The following DKK2 variants were observed in gnomAD, a reference collection of about 807,000 sequenced individuals.
DKK2 encodes dickkopf Wnt signaling pathway inhibitor 2.
In DKK2, 11 loss-of-function variants were observed where a neutral mutation model predicts 28.1. The observed-to-expected ratio is 0.39, with a 90% confidence interval of 0.25 to 0.65. The LOEUF (loss-of-function observed/expected upper bound fraction) is 0.65. Among genes scored for constraint, DKK2 ranks in the 30% least tolerant of loss-of-function variants. The probability of loss-of-function intolerance (pLI) is 0.47; values close to 1 mark genes in which losing one functional copy is unlikely to be tolerated. For missense variants in DKK2, 326 were observed against 335.5 expected, an observed-to-expected ratio of 0.97 and a Z score of 0.22; for synonymous variants, 135 against 126.5, an observed-to-expected ratio of 1.07 and a Z score of -0.45.
intron 1 of DKK2, among the ~76,000 whole-genome samples, chr4:106,990,119 G>T (rs1026768239): frequency 1.3e-5 from 2 of 151,944 alleles, no homozygotes; most frequent in Non-Finnish European, 2.9e-5. Flanking sequence ...TAATAAAGTT[G>T]TTTAATAAAA....
chr4:107,026,567 G>C (rs1312234662), intron 1 of DKK2, among the ~76,000 whole-genome samples: 1 of 152,086 alleles, frequency 6.6e-6, no homozygotes, highest in Non-Finnish European at 1.5e-5. Flanking sequence ...TAGGATTAAA[G>C]AAACAAAAAG....
chr4:107,028,657 T>G (rs980774089), intron 1 of DKK2, among the ~76,000 whole-genome samples: 1 of 152,224 alleles, frequency 6.6e-6, no homozygotes, highest in African/African-American at 2.4e-5. Context: ...GAAATTGTAG[T>G]GCTGTGATGT....
At chr4:106,968,691 T>G (rs1490667693) in intron 1 of DKK2, among the ~76,000 whole-genome samples, 2 of 152,174 alleles carry the variant, frequency 1.3e-5, no homozygotes, top group Non-Finnish European at 2.9e-5. Context: ...CACTGCATAA[T>G]GAAGTAATTG....
chr4:106,983,012 GA>G (rs1723048950), intron 1 of DKK2, among the ~76,000 whole-genome samples: 1 of 146,456 alleles, frequency 6.8e-6, no homozygotes, highest in East Asian at 2.0e-4. Context: ...GAAAAAGAGA[GA>G]AAGGAAGGAA....
At chr4:106,957,346 G>A (rs537593749) in intron 1 of DKK2, among the ~76,000 whole-genome samples, 36 of 151,946 alleles carry the variant, frequency 2.4e-4, no homozygotes, top group South Asian at 2.3e-3. Context: ...TCAGTGTGGC[G>A]ATTCCTCAGG....
Position 106,935,262 on chromosome 4 carries a change from C to T in DKK2, c.223-9313G>A, listed in dbSNP as rs1014645640. Among the ~76,000 whole-genome samples, 10 of 152,236 alleles carry T rather than the reference C, an allele frequency of 6.6e-5. 1 individual carries two copies. The highest frequency in any genetic ancestry group is 4.1e-4 in the South Asian group (2 of 4,824). ...GGCACAGGTCAGTGGGTGCGCGCAC[C>T]GTGTGCGAGCCAAAGCAGGGCGAGG... On this transcript the variant is annotated intron_variant, in intron 1 of 3. Coordinates refer to ENST00000285311, the MANE Select transcript of DKK2 (RefSeq NM_014421.3).
At chr4:106,958,396 G>A (rs28375307) in intron 1 of DKK2, among the ~76,000 whole-genome samples, 19 of 152,032 alleles carry the variant, frequency 1.2e-4, no homozygotes, top group East Asian at 7.7e-4. Context: ...ATTACTGTCC[G>A]TTCATGTTAT....
chr4:106,924,557 A>T lies in DKK2; in HGVS notation c.517T>A (p.Ser173Thr). Reference sequence around the variant, plus strand: ...CAGATATCCCTACCTTTTATATGTGACATCTTAGTGTGTGGTCTTCCTAGA... The same window carrying T: ...CAGATATCCCTACCTTTTATATGTGTCATCTTAGTGTGTGGTCTTCCTAGA... ...QNLGRPHTKM[S>T]HIKGHEGDPC... Residue 173 changes from serine to threonine, a missense_variant, in exon 3 of 4, where the codon TCA becomes ACA. Ser to Thr is a moderately conservative substitution (Grantham distance 58). Coordinates refer to ENST00000285311, the MANE Select transcript of DKK2 (RefSeq NM_014421.3). 6.2e-7 allele frequency: 1 copy of T among 1,613,594 alleles called. No homozygotes were observed. Among genetic ancestry groups the T allele is most frequent in the South Asian group, 1.1e-5 (1 of 91,036 alleles).
At chr4:106,938,231 TAAAG>T (rs1179728677) in intron 1 of DKK2, among the ~76,000 whole-genome samples, 1 of 147,124 alleles carries the variant, frequency 6.8e-6, no homozygotes, top group Non-Finnish European at 1.5e-5. Context: ...GCAAGACTAA[TAAAG>T]AAAAAAAGAG....
At chr4:106,982,357 A>G (rs777055144) in intron 1 of DKK2, among the ~76,000 whole-genome samples, 1 of 152,224 alleles carries the variant, frequency 6.6e-6, no homozygotes, top group South Asian at 2.1e-4. Context: ...TGTACTCATC[A>G]CCCCTTCCAC....
At chr4:106,952,888 T>A (rs1352934349) in intron 1 of DKK2, among the ~76,000 whole-genome samples, 2 of 152,166 alleles carry the variant, frequency 1.3e-5, no homozygotes, top group Non-Finnish European at 2.9e-5. Context: ...TCTGTTTTTG[T>A]TAGTATAAAT....
chr4:106,924,412 T>G, intron 3 of DKK2, 133 bp downstream of exon 3: 2 of 1,308,106 alleles, frequency 1.5e-6, no homozygotes, highest in Non-Finnish European at 2.1e-6. Context: ...GCCACCTAAA[T>G]AACAAGTTTA....
chr4:107,018,487 T>C lies in DKK2; in HGVS notation c.222+16883A>G, dbSNP rs1387333181. On this transcript the variant is annotated intron_variant, in intron 1 of 3. Coordinates refer to ENST00000285311, the MANE Select transcript of DKK2 (RefSeq NM_014421.3). ...TTAGGAAGAGGGGATTAAAGGCTCA[T>C]ATCTGAGAGATGACAAGTAGGGTAT... Among the ~76,000 whole-genome samples, 3 of 152,140 alleles carry C rather than the reference T, an allele frequency of 2.0e-5. No homozygotes were observed. In the South Asian group the frequency reaches 6.2e-4, roughly 31 times the overall value.
At position 106,999,137 on chromosome 4, in the gene DKK2, A is replaced by T. The variant is rs1040213237; in HGVS notation, c.222+36233T>A. 4.7e-4 allele frequency among the ~76,000 whole-genome samples: 71 copies of T among 152,172 alleles called. 1 individual carries two copies. Among genetic ancestry groups the T allele is most frequent in the Non-Finnish European group, 9.7e-4 (66 of 68,028 alleles). ...CAGCTAAGTTTGTGTGTTCTTAGGCAAGTAACTTTCCTGATGCTAATTCTA... is the reference window on the plus strand; with the variant it reads ...CAGCTAAGTTTGTGTGTTCTTAGGCTAGTAACTTTCCTGATGCTAATTCTA... On this transcript the variant is annotated intron_variant, in intron 1 of 3. Transcript: ENST00000285311.
chr4:106,983,052 AAG>A (rs1359362782), intron 1 of DKK2, among the ~76,000 whole-genome samples: 1 of 150,784 alleles, frequency 6.6e-6, no homozygotes, highest in Admixed American at 6.6e-5. Flanking sequence ...GAAAGAAAGA[AAG>A]AGAAAAGAAA....
At chr4:106,945,694 C>G (rs1295781085) in intron 1 of DKK2, among the ~76,000 whole-genome samples, 1 of 152,090 alleles carries the variant, frequency 6.6e-6, no homozygotes, top group African/African-American at 2.4e-5. Context: ...ATCCTGATGT[C>G]TGGCTTGTTC....
In DKK2 at chr4:107,035,955, C is replaced by T. The variant is rs2110247395; in HGVS notation, c.-364G>A. On this transcript the variant is annotated 5_prime_UTR_variant, in exon 1 of 4. Transcript: ENST00000285311. ...TTGCCCCGCACCTCCTTGGTCCCGC[C>T]GGGATCTCGGCGGTTTAACTCTCCT... is the stretch of plus-strand genomic sequence containing the variant. 1 of 288,086 alleles carries T rather than the reference C, an allele frequency of 3.5e-6. No homozygotes were observed. 17.8% of individuals were successfully genotyped at this position (288,086 alleles called of 1,614,324 possible). A position where few individuals can be genotyped will look rare whatever the true frequency, so the allele number is the denominator to read the frequency against.
In DKK2 at chr4:106,922,548, T is replaced by C. The variant is rs1384509057; in HGVS notation, c.*1406A>G. 3 of 152,172 alleles carry C rather than the reference T, an allele frequency of 2.0e-5. No homozygotes were observed. Among genetic ancestry groups the C allele is most frequent in the Non-Finnish European group, 4.4e-5 (3 of 68,024 alleles). The allele number at this position is 152,172 out of a possible 1,614,324, so 9.4% of individuals were successfully genotyped here. A position where few individuals can be genotyped will look rare whatever the true frequency, so the allele number is the denominator to read the frequency against. ...ACTAGCCCTTTGGCAATAAAGCAGATGCTGCAGAGGTTTGGGAAGAAAATT... is the reference window on the plus strand; with the variant it reads ...ACTAGCCCTTTGGCAATAAAGCAGACGCTGCAGAGGTTTGGGAAGAAAATT... On this transcript the variant is annotated 3_prime_UTR_variant, in exon 4 of 4. Coordinates refer to ENST00000285311, the MANE Select transcript of DKK2 (RefSeq NM_014421.3).
chr4:106,946,217 T>C (rs372930848), intron 1 of DKK2, among the ~76,000 whole-genome samples: 1 of 152,264 alleles, frequency 6.6e-6, no homozygotes, highest in East Asian at 1.9e-4. Context: ...GAATTCCATC[T>C]ATTGGATATT....
Sources: gnomAD v4.1 joint callset for allele counts (sites outside exome capture counted in the v4.1 genomes callset) on GRCh38, gnomAD v4.1.1 for gene constraint, MANE v1.5 for transcripts, NCBI Gene and HGNC (gene_info 2026-07-23, HGNC 2026-07-21) for gene names.